Variants in AFF2 observed in about 807,000 individuals in gnomAD.
AFF2 encodes the protein ALF transcription elongation factor 2.
Under a neutral mutation model 76.9 loss-of-function variants are expected in AFF2, and 14 were observed. The ratio of observed to expected loss-of-function variants is 0.18; its 90% CI spans 0.12 to 0.28. The LOEUF (loss-of-function observed/expected upper bound fraction) is 0.28. AFF2 is among the 10% of genes least tolerant of loss of function. AFF2 has a pLI of 1.00. For missense variants in AFF2, 868 were observed against 1,001.1 expected (o/e 0.87, Z 1.79); for synonymous variants, 398 against 366.7 (o/e 1.09, Z -0.98).
At chrX:148,880,121 G>T (rs1260259693) in intron 7 of AFF2, among the ~76,000 whole-genome samples, 1 of 112,038 alleles carries the variant, frequency 8.9e-6, no homozygotes, top group East Asian at 2.8e-4. Flanking sequence ...TTTCAAACTG[G>T]TTGTCACTGC....
intron 3 of AFF2, among the ~76,000 whole-genome samples, chrX:148,722,437 C>T (rs781863736): frequency 9.1e-6 from 1 of 110,046 alleles, no homozygotes; most frequent in East Asian, 2.9e-4. Context: ...CACTCAGGCT[C>T]GCAAGAACTC....
At chrX:148,510,156 A>G (rs139219413) in intron 1 of AFF2, among the ~76,000 whole-genome samples, 2,114 of 112,093 alleles carry the variant, frequency 0.019, 36 homozygotes, top group African/African-American at 0.063. Context: ...TAATGCTGCC[A>G]GTTCAGAGTG....
At chrX:148,769,717 T>A (rs1569555223) in intron 3 of AFF2, among the ~76,000 whole-genome samples, 2 of 110,901 alleles carry the variant, frequency 1.8e-5, no homozygotes, top group African/African-American at 6.6e-5. Context: ...TGGAAAATGA[T>A]GCTTCTCAGA....
At position 148,966,811 on chromosome X, in the gene AFF2, G is replaced by T. The variant is rs782537049; in HGVS notation, c.2935G>T (p.Ala979Ser). 2.5e-6 allele frequency: 3 copies of T among 1,210,246 alleles called. No homozygotes were observed. The highest frequency in any genetic ancestry group is 3.5e-5 in the South Asian group (2 of 56,889). Residue 979 changes from alanine (A) to serine (S), a missense_variant, in exon 14 of 21, where the codon GCA (alanine) becomes TCA (serine). Around this residue, in one of 6 missense-constraint regions of AFF2, gnomAD observed 532 missense variants for 564.2 expected, o/e 0.94. Coordinates refer to ENST00000370460, the MANE Select transcript of AFF2 (RefSeq NM_002025.4). ...SVNEGDTPKK[A>S]SSATITVTNT... is the part of the protein sequence containing the mutation. ...CCAGGAGGGAGACACTCCAAAAAAGGCATCCTCTGCCACCATCACTGTCAC... is the reference window on the plus strand; with the variant it reads ...CCAGGAGGGAGACACTCCAAAAAAGTCATCCTCTGCCACCATCACTGTCAC...
chrX:148,673,638 A>C (rs2054448859), intron 3 of AFF2, among the ~76,000 whole-genome samples: 1 of 112,162 alleles, frequency 8.9e-6, no homozygotes, highest in Admixed American at 9.5e-5. Flanking sequence ...ATGAATTTTT[A>C]GGGACTAGTA....
intron 7 of AFF2, among the ~76,000 whole-genome samples, chrX:148,849,881 G>A (rs1557275153): frequency 8.9e-6 from 1 of 112,061 alleles, no homozygotes; most frequent in African/African-American, 3.2e-5. Context: ...TTGCAGTCAG[G>A]TGTGATCTTG....
Position 148,956,409 on chromosome X carries a change from C to T in AFF2, c.2364C>T (p.Ile788=). Residue 788 remains isoleucine (I), a synonymous_variant, in exon 11 of 21, where the codon ATC becomes ATT. Transcript: ENST00000370460. ...FSPIPVMQTE[I]LSPLRDHENL... ...CTATTCCTGTCATGCAAACTGAAAT[C>T]CTGTCCCCTCTGCGAGATCATGAGA... is the stretch of plus-strand genomic sequence containing the variant. 8.3e-7 allele frequency: 1 copy of T among 1,211,269 alleles called. No individual in the cohort carries two copies. The highest frequency in any genetic ancestry group is 1.1e-6 in the Non-Finnish European group (1 of 895,147).
intron 1 of AFF2, among the ~76,000 whole-genome samples, chrX:148,531,683 T>C (rs1287228114): frequency 1.8e-5 from 2 of 112,063 alleles, no homozygotes; most frequent in African/African-American, 6.5e-5. Flanking sequence ...TTTTCCCAAA[T>C]ATTGAATTTA....
chrX:148,565,328 C>T (rs2053157349), intron 1 of AFF2, among the ~76,000 whole-genome samples: 1 of 111,272 alleles, frequency 9.0e-6, no homozygotes, highest in African/African-American at 3.3e-5. Flanking sequence ...CTACTGACAT[C>T]TTTCAAACAC....
chrX:148,618,789 G>A (rs536490202), intron 1 of AFF2, among the ~76,000 whole-genome samples: 4 of 111,518 alleles, frequency 3.6e-5, no homozygotes, highest in Admixed American at 9.5e-5. Context: ...TCTGCTATTC[G>A]TAGAAGTGAG....
At chrX:148,721,738 G>C (rs34745262) in intron 3 of AFF2, among the ~76,000 whole-genome samples, 301 of 112,281 alleles carry the variant, frequency 2.7e-3, no homozygotes, top group African/African-American at 8.6e-3. Flanking sequence ...CATAGTTCTG[G>C]AGACTAGAAG....
At chrX:148,800,973 T>G (rs1411362814) in intron 3 of AFF2, among the ~76,000 whole-genome samples, 1 of 112,096 alleles carries the variant, frequency 8.9e-6, no homozygotes, top group African/African-American at 3.2e-5. Flanking sequence ...GAGTTCTCTG[T>G]GCTCCCAAAG....
intron 1 of AFF2, among the ~76,000 whole-genome samples, chrX:148,613,930 A>G (rs7056174): frequency 0.025 from 2,797 of 111,973 alleles, 96 homozygotes; most frequent in African/African-American, 0.084. Flanking sequence ...TGATGTGTGT[A>G]CTCCTGTAAA....
intron 3 of AFF2, among the ~76,000 whole-genome samples, chrX:148,753,967 G>A (rs1390197001): frequency 9.0e-6 from 1 of 111,098 alleles, no homozygotes; most frequent in Non-Finnish European, 1.9e-5. Flanking sequence ...ACAAACTCCA[G>A]AGCCTCCCAA....
chrX:148,947,254 C>T (rs2071911353), intron 9 of AFF2, among the ~76,000 whole-genome samples: 1 of 112,110 alleles, frequency 8.9e-6, no homozygotes, highest in Non-Finnish European at 1.9e-5. Flanking sequence ...GGACCATAAT[C>T]GACTGTCTGC....
At chrX:148,824,361 G>A (rs956661650) in intron 4 of AFF2, among the ~76,000 whole-genome samples, 1 of 111,463 alleles carries the variant, frequency 9.0e-6, no homozygotes, top group East Asian at 2.8e-4. Flanking sequence ...AAGATGTACT[G>A]TATTATATAC....
At chrX:148,896,741 G>A (rs1366717924) in intron 8 of AFF2, among the ~76,000 whole-genome samples, 2 of 111,090 alleles carry the variant, frequency 1.8e-5, no homozygotes, top group African/African-American at 6.5e-5. Context: ...GTACTACCAG[G>A]ACATGCTACA....
At chrX:148,523,389 GATTA>G (rs1412879817) in intron 1 of AFF2, among the ~76,000 whole-genome samples, 1 of 111,764 alleles carries the variant, frequency 8.9e-6, no homozygotes, top group Non-Finnish European at 1.9e-5. Flanking sequence ...TGGGACAGAG[GATTA>G]ATTAACTCAG....
chrX:148,779,438 T>C (rs1211699197), intron 3 of AFF2, among the ~76,000 whole-genome samples: 1 of 111,642 alleles, frequency 9.0e-6, no homozygotes, highest in Non-Finnish European at 1.9e-5. Flanking sequence ...ATATTGACAG[T>C]GGGGTGTTAA....
Sources: gnomAD v4.1 joint callset for allele counts (sites outside exome capture counted in the v4.1 genomes callset) on GRCh38, gnomAD v4.1.1 for gene constraint, gnomAD v4.1.1 regional missense constraint, MANE v1.5 for transcripts, NCBI Gene and HGNC (gene_info 2026-07-23, HGNC 2026-07-21) for gene names.